The following PEBP4 variants were observed in gnomAD, a reference collection of about 807,000 sequenced individuals.
The protein encoded by PEBP4 is phosphatidylethanolamine binding protein 4.
A neutral mutation model predicts 23.9 loss-of-function variants in PEBP4; 22 were observed. The observed-to-expected ratio is 0.92, with a 90% confidence interval of 0.66 to 1.31. The LOEUF (loss-of-function observed/expected upper bound fraction) is 1.31. PEBP4 is among the 40% of genes most tolerant of loss of function. PEBP4 has a pLI of 0.00. For synonymous variants in PEBP4, 112 were observed against 99.3 expected (o/e 1.13, Z -0.76); for missense variants, 324 against 281.7 (o/e 1.15, Z -1.07).
At chr8:22,825,800 C>G (rs555566940) in intron 3 of PEBP4, among the ~76,000 whole-genome samples, 1 of 152,240 alleles carries the variant, frequency 6.6e-6, no homozygotes, top group East Asian at 1.9e-4. Context: ...TGTCTATCAA[C>G]AGATGAATGG....
chr8:22,768,724 G>GGAT (rs1457255003), intron 4 of PEBP4, among the ~76,000 whole-genome samples: 1 of 152,120 alleles, frequency 6.6e-6, no homozygotes, highest in African/African-American at 2.4e-5. Flanking sequence ...GGTCAGGGCA[G>GGAT]GATGGGGAGA....
chr8:22,809,887 G>A lies in PEBP4; in HGVS notation c.357+7750C>T, dbSNP rs192870500. Among the ~76,000 whole-genome samples, 10 of 152,360 alleles carry A rather than the reference G, an allele frequency of 6.6e-5. No individual in the cohort carries two copies. In the East Asian group the frequency reaches 1.5e-3, roughly 23 times the overall value. On this transcript the variant is annotated intron_variant, in intron 4 of 6. Coordinates refer to ENST00000256404, the MANE Select transcript of PEBP4 (RefSeq NM_144962.3). ...GAGACACTGTGGGAGATGCCAAGGG[G>A]CACACCTTACAGGTCACCTGCACCA...
chr8:22,894,334 A>C (rs1245327448), intron 3 of PEBP4, among the ~76,000 whole-genome samples: 1 of 152,166 alleles, frequency 6.6e-6, no homozygotes, highest in Non-Finnish European at 1.5e-5. Context: ...CACTTTGGGA[A>C]GCCAAGGCAG....
chr8:22,855,485 T>G (rs948068280), intron 3 of PEBP4, among the ~76,000 whole-genome samples: 1 of 152,126 alleles, frequency 6.6e-6, no homozygotes, highest in Non-Finnish European at 1.5e-5. Flanking sequence ...GGGGTCTGTG[T>G]CATGATCTGT....
At chr8:22,814,829 T>A (rs1806703850) in intron 4 of PEBP4, among the ~76,000 whole-genome samples, 2 of 152,166 alleles carry the variant, frequency 1.3e-5, no homozygotes. Flanking sequence ...CTGGGGACAG[T>A]TCCCTGGAAG....
At chr8:22,810,208 C>T (rs1006396274) in intron 4 of PEBP4, among the ~76,000 whole-genome samples, 1 of 152,204 alleles carries the variant, frequency 6.6e-6, no homozygotes, top group African/African-American at 2.4e-5. Context: ...GCCTTTCCTA[C>T]TTCCTTCCGC....
chr8:22,717,868 G>A (rs974663202), intron 6 of PEBP4, among the ~76,000 whole-genome samples: 2 of 152,190 alleles, frequency 1.3e-5, no homozygotes, highest in African/African-American at 4.8e-5. Flanking sequence ...GCTCAGGTCT[G>A]TAATTTGTCT....
chr8:22,795,735 A>C (rs1806239650), intron 4 of PEBP4, among the ~76,000 whole-genome samples: 1 of 152,226 alleles, frequency 6.6e-6, no homozygotes, highest in Non-Finnish European at 1.5e-5. Flanking sequence ...CCAAATATTC[A>C]AGTCTTTTAC....
At chr8:22,857,302 C>A (rs1286185859) in intron 3 of PEBP4, among the ~76,000 whole-genome samples, 4 of 151,236 alleles carry the variant, frequency 2.6e-5, no homozygotes, top group Admixed American at 6.6e-5. Flanking sequence ...GTTTAATATC[C>A]TGAGGCAGTT....
chr8:22,843,000 G>A (rs34151802), intron 3 of PEBP4, among the ~76,000 whole-genome samples: 366 of 152,194 alleles, frequency 2.4e-3, no homozygotes, highest in Non-Finnish European at 4.4e-3. Flanking sequence ...GCTAATTTTT[G>A]TATTTCTAAT....
intron 3 of PEBP4, among the ~76,000 whole-genome samples, chr8:22,826,529 G>A (rs188227388): frequency 7.6e-4 from 115 of 152,268 alleles, no homozygotes; most frequent in Non-Finnish European, 1.2e-3. Flanking sequence ...CTGGGGATTG[G>A]TTAATAAACA....
At chr8:22,927,154 C>T (rs1047746173) in intron 2 of PEBP4, among the ~76,000 whole-genome samples, 3 of 152,220 alleles carry the variant, frequency 2.0e-5, no homozygotes, top group Non-Finnish European at 4.4e-5. Context: ...CTGACAAAAA[C>T]CTCTCACACA....
At chr8:22,885,564 C>G (rs1352563469) in intron 3 of PEBP4, 1 of 152,204 alleles carries the variant, frequency 6.6e-6, no homozygotes, top group Non-Finnish European at 1.5e-5. Context: ...CACCTTCTGC[C>G]TGAAGCAAAG....
At chr8:22,781,304 G>C (rs573727102) in intron 4 of PEBP4, among the ~76,000 whole-genome samples, 4 of 152,170 alleles carry the variant, frequency 2.6e-5, no homozygotes, top group Non-Finnish European at 5.9e-5. Context: ...AGAGCCGGAG[G>C]GGGAAGGGGC....
chr8:22,889,022 A>G (rs961475305), intron 3 of PEBP4, among the ~76,000 whole-genome samples: 2 of 152,236 alleles, frequency 1.3e-5, no homozygotes, highest in Admixed American at 1.3e-4. Context: ...CTCATAGTTT[A>G]TTCAAAAGTA....
At chr8:22,882,700 T>C (rs1055760777) in intron 3 of PEBP4, among the ~76,000 whole-genome samples, 3 of 152,160 alleles carry the variant, frequency 2.0e-5, no homozygotes, top group Non-Finnish European at 4.4e-5. Flanking sequence ...GGCTAATTCC[T>C]AGAAATAGGA....
intron 4 of PEBP4, among the ~76,000 whole-genome samples, chr8:22,768,999 A>T (rs1476080716): frequency 1.3e-5 from 2 of 152,122 alleles, no homozygotes; most frequent in African/African-American, 4.8e-5. Context: ...AGCTGAGAGC[A>T]TTTGTGGACA....
chr8:22,738,226 C>A (rs1475817376), intron 4 of PEBP4, among the ~76,000 whole-genome samples: 1 of 152,226 alleles, frequency 6.6e-6, no homozygotes, highest in Non-Finnish European at 1.5e-5. Context: ...GGCCTCCTTC[C>A]TTCTCTCGCT....
intron 4 of PEBP4, among the ~76,000 whole-genome samples, chr8:22,814,585 C>A (rs1286407667): frequency 6.6e-6 from 1 of 152,150 alleles, no homozygotes; most frequent in Non-Finnish European, 1.5e-5. Context: ...ATGGCCATGG[C>A]CTGATCAACC....
Sources: gnomAD v4.1 joint callset for allele counts (sites outside exome capture counted in the v4.1 genomes callset) on GRCh38, gnomAD v4.1.1 for gene constraint, MANE v1.5 for transcripts, NCBI Gene and HGNC (gene_info 2026-07-23, HGNC 2026-07-21) for gene names.